POLR3A: variants seen among roughly 807,000 people sequenced by gnomAD.
POLR3A encodes the protein RNA polymerase III subunit A, also known as DNA-directed RNA polymerase III subunit RPC1.
POLR3A carries 112 observed loss-of-function variants against 152.8 expected under a neutral mutation model. The observed-to-expected ratio is 0.73, with a 90% CI of 0.63 to 0.86. The LOEUF (loss-of-function observed/expected upper bound fraction) is 0.86. Among genes scored for constraint, POLR3A ranks in the 40% least tolerant of loss-of-function variants. The pLI is 0.00. For synonymous variants in POLR3A, 615 were observed against 652.1 expected (o/e 0.94, Z 0.87); for missense variants, 1,385 against 1,743.1 (o/e 0.79, Z 3.66).
rs1419807551 is a variant in POLR3A at position 77,976,821 on chromosome 10, G to A, written c.*657C>T. 2 of 153,644 alleles carry A rather than the reference G, an allele frequency of 1.3e-5. No individual in the cohort carries two copies. Among genetic ancestry groups the A allele is most frequent in the African/African-American group, 4.8e-5 (2 of 41,432 alleles). The allele number at this position is 153,644 out of a possible 1,614,324, so 9.5% of individuals were successfully genotyped here. ...TAGAAGATGTTACAGAGCTGCCTGGGCCTCATGACAGTTGCACCTCAGTTA... is the reference window on the plus strand; with the variant it reads ...TAGAAGATGTTACAGAGCTGCCTGGACCTCATGACAGTTGCACCTCAGTTA... On this transcript the variant is annotated 3_prime_UTR_variant, in exon 31 of 31. Coordinates refer to ENST00000372371, the MANE Select transcript of POLR3A (RefSeq NM_007055.4).
intron 10 of POLR3A, 97 bp downstream of exon 10, chr10:78,017,478 T>C (rs1399804430): frequency 8.0e-7 from 1 of 1,251,620 alleles, no homozygotes; most frequent in Non-Finnish European, 1.1e-6. Context: ...AAACTTGAGA[T>C]AACAGGCAAT....
intron 15 of POLR3A, among the ~76,000 whole-genome samples, chr10:78,007,365 T>C (rs1847421257): frequency 6.6e-6 from 1 of 152,142 alleles, no homozygotes; most frequent in Non-Finnish European, 1.5e-5. Flanking sequence ...GAGAACTGAA[T>C]CATGGATAGC....
At chr10:78,011,079 C>T (rs1440495324) in intron 11 of POLR3A, among the ~76,000 whole-genome samples, 2 of 152,098 alleles carry the variant, frequency 1.3e-5, no homozygotes, top group East Asian at 1.9e-4. Context: ...AACTCCTGGG[C>T]TCAACTGATC....
intron 20 of POLR3A, 81 bp downstream of exon 20, chr10:77,993,116 A>G (rs755924323): frequency 4.9e-5 from 51 of 1,033,950 alleles, no homozygotes; most frequent in Non-Finnish European, 7.8e-5. Context: ...ATTAACTGCA[A>G]TTGATAGTCC....
intron 24 of POLR3A, 41 bp downstream of exon 24, chr10:77,985,129 G>A: frequency 6.6e-7 from 1 of 1,520,178 alleles, no homozygotes; most frequent in Non-Finnish European, 9.1e-7. Flanking sequence ...CAGGAAACAG[G>A]ACAGGCATGT....
chr10:78,019,443 G>T (rs1450256831), intron 8 of POLR3A, 178 bp from the exon 9 acceptor site: 1 of 608,814 alleles, frequency 1.6e-6, no homozygotes, highest in African/African-American at 1.8e-5. Context: ...TGGCAAACAA[G>T]CTTCCAGCTT....
intron 18 of POLR3A, 146 bp downstream of exon 18, chr10:78,000,830 G>A (rs544221651): frequency 4.8e-5 from 30 of 623,128 alleles, no homozygotes; most frequent in South Asian, 2.8e-4. Context: ...GGCCTGAAGT[G>A]TATCTTAATA....
intron 5 of POLR3A, among the ~76,000 whole-genome samples, chr10:78,023,734 T>A (rs1488222604): frequency 2.6e-5 from 4 of 151,694 alleles, no homozygotes; most frequent in South Asian, 2.1e-4. Flanking sequence ...GCCTCGATCA[T>A]ACCACTGCAC....
chr10:77,980,529 C>T (rs753181938), intron 29 of POLR3A, among the ~76,000 whole-genome samples: 13 of 151,622 alleles, frequency 8.6e-5, no homozygotes, highest in Non-Finnish European at 1.8e-4. Context: ...CAGAGACTAA[C>T]TTTAAAAAAG....
intron 2 of POLR3A, 65 bp from the exon 3 acceptor site, chr10:78,025,824 C>G (rs1475792936): frequency 2.1e-6 from 3 of 1,447,348 alleles, no homozygotes; most frequent in Admixed American, 1.7e-5. Flanking sequence ...GCCCAGCCAT[C>G]ATGCCTGGCT....
At chr10:78,025,551 A>G in intron 3 of POLR3A, 71 bp downstream of exon 3, 1 of 1,516,092 alleles carries the variant, frequency 6.6e-7, no homozygotes, top group Non-Finnish European at 9.2e-7. Context: ...CACAGTTCCT[A>G]AGTTCATTCC....
Position 78,019,146 on chromosome 10 carries a change from A to G in POLR3A, c.1289+16T>C, listed in dbSNP as rs1361841856. 3 of 1,573,152 alleles carry G rather than the reference A, an allele frequency of 1.9e-6. No homozygotes were observed. Among genetic ancestry groups the G allele is most frequent in the Non-Finnish European group, 2.6e-6 (3 of 1,142,608 alleles). On this transcript the variant is annotated intron_variant, in intron 9 of 30. Coordinates refer to ENST00000372371, the MANE Select transcript of POLR3A (RefSeq NM_007055.4). ...TGAGAAAGTAGTTAAATCCAACTAG[A>G]TTGGGAAAAGATTACCTTTTCATCT...
At chr10:78,022,516 G>C in intron 5 of POLR3A, 132 bp from the exon 6 acceptor site, 1 of 946,104 alleles carries the variant, frequency 1.1e-6, no homozygotes, top group Non-Finnish European at 1.6e-6. Context: ...TTCTATGGAT[G>C]ATACGCTATG....
At chr10:77,988,014 C>T (rs529994520) in intron 21 of POLR3A, among the ~76,000 whole-genome samples, 2 of 152,216 alleles carry the variant, frequency 1.3e-5, no homozygotes, top group Non-Finnish European at 2.9e-5. Flanking sequence ...TCTTTGCCTA[C>T]TGGGAAATTC....
chr10:77,991,962 GA>G (rs1437998231), intron 20 of POLR3A, among the ~76,000 whole-genome samples: 3 of 152,170 alleles, frequency 2.0e-5, no homozygotes, highest in Non-Finnish European at 2.9e-5. Flanking sequence ...AAGCAGCGTA[GA>G]AAAAACATTC....
At chr10:77,983,271 A>C (rs1589303393) in intron 26 of POLR3A, among the ~76,000 whole-genome samples, 1 of 152,242 alleles carries the variant, frequency 6.6e-6, no homozygotes, top group African/African-American at 2.4e-5. Context: ...AGAAATCCCC[A>C]AACTGGAGAG....
Position 78,029,476 on chromosome 10 carries a change from C to T in POLR3A, c.-69G>A. 2 of 1,507,164 alleles carry T rather than the reference C, an allele frequency of 1.3e-6. No individual in the cohort carries two copies. Among genetic ancestry groups the T allele is most frequent in the Admixed American group, 3.4e-5 (2 of 59,668 alleles). The allele number at this position is 1,507,164 out of a possible 1,614,324, so 93.4% of individuals were successfully genotyped here. A position where few individuals can be genotyped will look rare whatever the true frequency, so the allele number is the denominator to read the frequency against. ...ATTAGAGAAACGATGCCCCCAGCAC[C>T]TCCTGGGGCTGCTTCTGGACTCGCC... On this transcript the variant is annotated 5_prime_UTR_variant, in exon 1 of 31. Transcript: ENST00000372371.
Position 78,009,637 on chromosome 10 carries a change from G to T in POLR3A, c.1809C>A (p.Val603=). The change falls in exon 14 of 31, where the codon GTC becomes GTA. Residue 603 remains valine, a synonymous_variant. Coordinates refer to ENST00000372371, the MANE Select transcript of POLR3A (RefSeq NM_007055.4). The part of the protein sequence containing the change: ...TLWTGKQIFS[V]ILRPSDDNPV... ...GATTGTCATCGCTAGGCCTGAGGAT[G>T]ACACTGAAGATCTGCTTTCCCGTCC... 6.2e-7 allele frequency: 1 copy of T among 1,614,202 alleles called. No homozygotes were observed. Among genetic ancestry groups the T allele is most frequent in the Non-Finnish European group, 8.5e-7 (1 of 1,180,042 alleles).
At chr10:78,010,346 A>ATT in intron 12 of POLR3A, 125 bp downstream of exon 12, 3 of 859,574 alleles carry the variant, frequency 3.5e-6, no homozygotes, top group Non-Finnish European at 6.0e-6. Context: ...CAAACTTAGT[A>ATT]AACAAAAAAC....
Sources: allele counts gnomAD v4.1 joint callset (sites outside exome capture counted in the v4.1 genomes callset), GRCh38; gene constraint gnomAD v4.1.1; transcripts MANE v1.5; gene names NCBI Gene and HGNC (gene_info 2026-07-23, HGNC 2026-07-21).